CLTB: variants seen among roughly 807,000 people sequenced by gnomAD.
CLTB encodes clathrin light chain B.
Under a neutral mutation model 30.5 loss-of-function variants are expected in CLTB, and 10 were observed. The ratio of observed to expected loss-of-function variants is 0.33; its 90% confidence interval spans 0.20 to 0.56. The LOEUF (loss-of-function observed/expected upper bound fraction) is 0.56. CLTB is among the 20% of genes least tolerant of loss of function. The pLI, the probability that CLTB is intolerant of heterozygous loss-of-function variation, is 0.91. For synonymous variants in CLTB, 102 were observed against 120.3 expected (o/e 0.85, Z 1.00); for missense variants, 261 against 308.3 (o/e 0.85, Z 1.15).
rs1468926055 is a variant in CLTB at position 176,413,792 on chromosome 5, C to A, written c.187+2385G>T. On this transcript the variant is annotated intron_variant, in intron 1 of 5. Coordinates refer to ENST00000310418, the MANE Select transcript of CLTB (RefSeq NM_007097.5). The stretch of plus-strand genomic sequence containing the variant: ...CTAGCCCATCTGGCCATCCACTGAG[C>A]CGCCATCCCTCAACACCTCCCTGCT... 2.0e-5 allele frequency among the ~76,000 whole-genome samples: 3 copies of A among 152,226 alleles called. No homozygotes were observed. The East Asian group carries it at 5.8e-4, about 29-fold the overall frequency.
At chr5:176,402,442 G>A (rs1266713837) in intron 2 of CLTB, among the ~76,000 whole-genome samples, 2 of 152,222 alleles carry the variant, frequency 1.3e-5, no homozygotes, top group Non-Finnish European at 2.9e-5. Flanking sequence ...CTTCATGCAA[G>A]CTCATCTTGT....
intron 1 of CLTB, among the ~76,000 whole-genome samples, chr5:176,412,437 T>C (rs1757491694): frequency 9.2e-5 from 14 of 152,104 alleles, no homozygotes; most frequent in Admixed American, 9.2e-4. Flanking sequence ...CAGCACGGAA[T>C]GGGTGAGCAG....
Position 176,403,873 on chromosome 5 carries a change from G to A in CLTB, c.235-5826C>T, listed in dbSNP as rs570346990. Among the ~76,000 whole-genome samples, 11 of 152,208 alleles carry A rather than the reference G, an allele frequency of 7.2e-5. No individual in the cohort carries two copies. In the East Asian group the frequency reaches 2.1e-3, roughly 29 times the overall value. On this transcript the variant is annotated intron_variant, in intron 2 of 5. Transcript: ENST00000310418. The stretch of plus-strand genomic sequence containing the variant: ...CTTTCCGGGTTTGAGAGATTCTCCT[G>A]TCTCAGCCTCACAGGTAGCTGGGAT...
chr5:176,398,020 C>T lies in CLTB; in HGVS notation c.262G>A (p.Ala88Thr), dbSNP rs747589856. The change falls in exon 3 of 6, where the codon GCA becomes ACA. Residue 88 changes from alanine to threonine, a missense_variant. Physicochemically the swap from Ala to Thr is moderately conservative, Grantham distance 58. Transcript: ENST00000310418. ...AGCCTGTCAGCCTGGGCAATGGCTG[C>T]GTAGCCATCAGCAGGACCGTTGGCC... ...QEANGPADGY[A>T]AIAQADRLTQ... is the part of the protein sequence containing the mutation. 3.1e-5 allele frequency: 50 copies of T among 1,613,942 alleles called. No individual in the cohort carries two copies. Among genetic ancestry groups the T allele is most frequent in the Middle Eastern group, 1.6e-4 (1 of 6,084 alleles).
chr5:176,397,074 G>C (rs1756558611), intron 4 of CLTB, among the ~76,000 whole-genome samples: 1 of 152,052 alleles, frequency 6.6e-6, no homozygotes, highest in Non-Finnish European at 1.5e-5. Context: ...CTGTATTTGA[G>C]CTTAGTTGAA....
At chr5:176,408,531 CA>C (rs1177405172) in intron 2 of CLTB, among the ~76,000 whole-genome samples, 7 of 148,204 alleles carry the variant, frequency 4.7e-5, no homozygotes, top group African/African-American at 1.7e-4. Context: ...AGCAAAACTC[CA>C]TCTCAGGAAA....
intron 1 of CLTB, 69 bp downstream of exon 1, chr5:176,416,108 C>T (rs1757676619): frequency 1.4e-6 from 2 of 1,388,628 alleles, no homozygotes; most frequent in Non-Finnish European, 1.9e-6. Context: ...TTCCCTGTGC[C>T]CCTGGGCCCC....
In CLTB at chr5:176,392,995, C is replaced by A; in HGVS notation, c.519-50G>T. 2 of 1,608,000 alleles carry A rather than the reference C, an allele frequency of 1.2e-6. No homozygotes were observed. The highest frequency in any genetic ancestry group is 1.7e-6 in the Non-Finnish European group (2 of 1,175,184). On this transcript the variant is annotated intron_variant, in intron 5 of 5. Transcript: ENST00000310418. This position sits in a 1 kb window ranked among gnomAD's most constrained non-coding sequence, Gnocchi z 5.2. ...TTTATAGCAGTCTGCTTTCCCCCAG[C>A]CTTGCCCTTGAGCAAGGCTGCTTTG...
chr5:176,415,823 C>T (rs764924084), intron 1 of CLTB, among the ~76,000 whole-genome samples: 7 of 152,186 alleles, frequency 4.6e-5, no homozygotes, highest in Non-Finnish European at 1.0e-4. Context: ...TCTGCCCACA[C>T]CTGCACACTT....
At chr5:176,401,734 G>A (rs749178726) in intron 2 of CLTB, 3 of 456,054 alleles carry the variant, frequency 6.6e-6, no homozygotes, top group South Asian at 4.6e-5. Context: ...TTGGATTTTT[G>A]TTCCAGATGT....
At chr5:176,400,692 T>C (rs567472486) in intron 2 of CLTB, among the ~76,000 whole-genome samples, 14 of 152,096 alleles carry the variant, frequency 9.2e-5, no homozygotes, top group Non-Finnish European at 2.1e-4. Flanking sequence ...CTCCCAGCAA[T>C]AGTCTCCCCT....
chr5:176,414,263 TG>T (rs931974317), intron 1 of CLTB, among the ~76,000 whole-genome samples: 7 of 152,220 alleles, frequency 4.6e-5, no homozygotes, highest in African/African-American at 1.7e-4. Context: ...GTGCATTAAC[TG>T]GGGCAGGCAT....
chr5:176,401,502 C>G (rs1245376260), intron 2 of CLTB, among the ~76,000 whole-genome samples: 1 of 152,142 alleles, frequency 6.6e-6, no homozygotes, highest in African/African-American at 2.4e-5. Context: ...CAAACTTGCC[C>G]CACCCTCCGT....
intron 1 of CLTB, among the ~76,000 whole-genome samples, chr5:176,413,836 G>A (rs1757566956): frequency 6.6e-6 from 1 of 152,176 alleles, no homozygotes; most frequent in Non-Finnish European, 1.5e-5. Context: ...CAACTAAGGA[G>A]GGCAGCTGAG....
chr5:176,416,401 G>A lies in CLTB; in HGVS notation c.-38C>T. 1.3e-6 allele frequency: 2 copies of A among 1,545,396 alleles called. No homozygotes were observed. Among genetic ancestry groups the A allele is most frequent in the Non-Finnish European group, 1.7e-6 (2 of 1,149,768 alleles). On this transcript the variant is annotated 5_prime_UTR_variant, in exon 1 of 6. Coordinates refer to ENST00000310418, the MANE Select transcript of CLTB (RefSeq NM_007097.5). ...TCCGCCGGAGCCTCCGCTGCGCTCG[G>A]CTCTGCCCGCGCCTGCCCCGCGCTG...
At position 176,416,439 on chromosome 5, in the gene CLTB, G is replaced by A; in HGVS notation, c.-76C>T. 1.6e-6 allele frequency: 2 copies of A among 1,276,748 alleles called. No individual in the cohort carries two copies. Among genetic ancestry groups the A allele is most frequent in the South Asian group, 4.3e-5 (2 of 46,488 alleles). The allele number at this position is 1,276,748 out of a possible 1,614,324, so 79.1% of individuals were successfully genotyped here. A position where few individuals can be genotyped will look rare whatever the true frequency, so the allele number is the denominator to read the frequency against. ...CTGCCCCGCGCTGCGTCCGGCGGCC[G>A]CGACGCTGTCACCCGAGCCGCGGGG... is the stretch of plus-strand genomic sequence containing the variant. On this transcript the variant is annotated 5_prime_UTR_variant, in exon 1 of 6. Transcript: ENST00000310418.
At chr5:176,408,831 G>GT (rs1581443470) in intron 2 of CLTB, among the ~76,000 whole-genome samples, 1 of 152,130 alleles carries the variant, frequency 6.6e-6, no homozygotes, top group Non-Finnish European at 1.5e-5. Flanking sequence ...GGTTTTCCTC[G>GT]TTTTTTGCAG....
intron 2 of CLTB, among the ~76,000 whole-genome samples, chr5:176,398,393 G>A (rs919185385): frequency 1.3e-5 from 2 of 152,152 alleles, no homozygotes; most frequent in Non-Finnish European, 2.9e-5. Flanking sequence ...TCTGATGGGA[G>A]GACATAAGGA....
Position 176,394,539 on chromosome 5 carries a change from C to T in CLTB, c.519-1594G>A, listed in dbSNP as rs1756407450. The stretch of plus-strand genomic sequence containing the variant: ...ATACAAAAAATTAGCTGGGTGTGGC[C>T]AGGCGCGGTGGCTCATGCCTGTAAT... On this transcript the variant is annotated intron_variant, in intron 5 of 5. Coordinates refer to ENST00000310418, the MANE Select transcript of CLTB (RefSeq NM_007097.5). Among the ~76,000 whole-genome samples, 4 of 151,732 alleles carry T rather than the reference C, an allele frequency of 2.6e-5. No individual in the cohort carries two copies. In the South Asian group the frequency reaches 8.3e-4, roughly 32 times the overall value.
Sources: allele counts gnomAD v4.1 joint callset (sites outside exome capture counted in the v4.1 genomes callset), GRCh38; gene constraint gnomAD v4.1.1; non-coding constraint Gnocchi (gnomAD v3.1); transcripts MANE v1.5; gene names NCBI Gene and HGNC (gene_info 2026-07-23, HGNC 2026-07-21).